ANKAR: variants seen among roughly 807,000 people sequenced by gnomAD.
ANKAR encodes the protein ankyrin and armadillo repeat-containing protein.
ANKAR carries 136 observed loss-of-function variants against 146.2 expected under a neutral mutation model. The observed-to-expected ratio is 0.93, with a 90% CI of 0.81 to 1.07. The LOEUF is 1.07. Ranked by LOEUF, ANKAR falls within the 50% of genes least tolerant of loss-of-function variation. The pLI is 0.00. For synonymous variants in ANKAR, 500 were observed against 575.8 expected (o/e 0.87, Z 1.88); for missense variants, 1,567 against 1,679.9 (o/e 0.93, Z 1.18).
intron 5 of ANKAR, among the ~76,000 whole-genome samples, chr2:189,694,051 A>T (rs1316438104): frequency 6.6e-6 from 1 of 151,938 alleles, no homozygotes; most frequent in Non-Finnish European, 1.5e-5. Context: ...GCCTGTCCAT[A>T]AGACCCTATC....
At chr2:189,741,938 G>T (rs991640030) in intron 20 of ANKAR, among the ~76,000 whole-genome samples, 1 of 152,072 alleles carries the variant, frequency 6.6e-6, no homozygotes, top group African/African-American at 2.4e-5. Flanking sequence ...AATGAAAACC[G>T]GTGACTCTGA....
At chr2:189,730,922 C>T (rs2042342279) in intron 16 of ANKAR, among the ~76,000 whole-genome samples, 1 of 152,064 alleles carries the variant, frequency 6.6e-6, no homozygotes, top group Non-Finnish European at 1.5e-5. Context: ...CACAAAAGTT[C>T]TTTTCTACCT....
chr2:189,681,294 A>G (rs2034628696), intron 2 of ANKAR, among the ~76,000 whole-genome samples: 1 of 152,222 alleles, frequency 6.6e-6, no homozygotes, highest in Admixed American at 6.5e-5. Flanking sequence ...TAGAGACCTG[A>G]TCATGGCAGG....
chr2:189,741,330 T>A lies in ANKAR; in HGVS notation c.3701-12T>A. On this transcript the variant is annotated splice_polypyrimidine_tract_variant and intron_variant, in intron 19 of 22. Coordinates refer to ENST00000684021, the MANE Select transcript of ANKAR (RefSeq NM_001378068.1). Reference sequence around the variant, plus strand: ...TTAAATAACACAAGCATTTTTCTTGTTTAATTTATAGGGAATTTAATAGCA... The same window carrying A: ...TTAAATAACACAAGCATTTTTCTTGATTAATTTATAGGGAATTTAATAGCA... The A allele has an allele frequency of 6.4e-7, 1 of 1,568,574 alleles. No homozygotes were observed. The highest frequency in any genetic ancestry group is 8.6e-7 in the Non-Finnish European group (1 of 1,156,452).
intron 10 of ANKAR, 31 bp downstream of exon 10, chr2:189,711,184 G>T: frequency 6.7e-7 from 1 of 1,498,166 alleles, no homozygotes. Context: ...AACTTTTTAT[G>T]CTATTTTATG....
Position 189,696,105 on chromosome 2 carries a change from T to A in ANKAR, c.1489-45T>A, listed in dbSNP as rs746350981. The A allele has an allele frequency of 3.3e-5, 53 of 1,585,696 alleles. 1 individual carries two copies. In the East Asian group the frequency reaches 1.2e-3, roughly 35 times the overall value. Reference sequence around the variant, plus strand: ...ATGTATTTTTTTCCTTAAACCAAACTTTAGGTGCATTTTGATAAACTGATT... The same window carrying A: ...ATGTATTTTTTTCCTTAAACCAAACATTAGGTGCATTTTGATAAACTGATT... On this transcript the variant is annotated intron_variant, in intron 6 of 22. Coordinates refer to ENST00000684021, the MANE Select transcript of ANKAR (RefSeq NM_001378068.1).
chr2:189,695,225 T>C, intron 6 of ANKAR, 64 bp downstream of exon 6: 1 of 1,319,124 alleles, frequency 7.6e-7, no homozygotes, highest in African/African-American at 1.5e-5. Context: ...AGTATGTGTC[T>C]CAAACAGATG....
chr2:189,742,904 TGACACACACACACACACACACACACA>T, intron 20 of ANKAR, among the ~76,000 whole-genome samples: 1 of 10,562 alleles, frequency 9.5e-5, no homozygotes, highest in African/African-American at 3.2e-4. Flanking sequence ...TAGAATTACC[TGACACACACACACACACACACACACA>T]CACACACACA....
At chr2:189,725,724 A>G (rs2041812953) in intron 12 of ANKAR, among the ~76,000 whole-genome samples, 1 of 152,158 alleles carries the variant, frequency 6.6e-6, no homozygotes, top group Non-Finnish European at 1.5e-5. Context: ...CCTGGGCAAC[A>G]TGGCAAAACC....
intron 18 of ANKAR, among the ~76,000 whole-genome samples, chr2:189,759,072 A>ATGTCTCCATAATCAT (rs1380982789): frequency 6.6e-6 from 1 of 152,122 alleles, no homozygotes; most frequent in African/African-American, 2.4e-5. Context: ...TCTAGACATC[A>ATGTCTCCATAATCAT]TGTCTCCATA....
At chr2:189,698,682 C>T (rs1420552595) in intron 7 of ANKAR, among the ~76,000 whole-genome samples, 1 of 152,278 alleles carries the variant, frequency 6.6e-6, no homozygotes, top group Middle Eastern at 3.4e-3. Flanking sequence ...GGCCATCTTC[C>T]GTTAGAGGAG....
chr2:189,743,525 CT>C lies in ANKAR; in HGVS notation c.4010+54del, dbSNP rs1559149142. The stretch of plus-strand genomic sequence containing the variant: ...GTAGTGAAATCATCGATAGAGGAGA[CT>C]TTAATGAGGTTTAGTAAGATCCAAC... On this transcript the variant is annotated intron_variant, in intron 21 of 22. Transcript: ENST00000684021. 2.7e-6 allele frequency: 4 copies of C among 1,505,188 alleles called. No homozygotes were observed. In the Admixed American group the frequency reaches 5.3e-5, roughly 20 times the overall value. The allele number at this position is 1,505,188 out of a possible 1,614,324, so 93.2% of individuals were successfully genotyped here. A position where few individuals can be genotyped will look rare whatever the true frequency, so the allele number is the denominator to read the frequency against.
chr2:189,712,207 T>A (rs561927414), intron 10 of ANKAR, among the ~76,000 whole-genome samples: 1 of 152,202 alleles, frequency 6.6e-6, no homozygotes, highest in African/African-American at 2.4e-5. Flanking sequence ...TTCTGCAGAC[T>A]TAAATGTCCC....
At chr2:189,696,504 T>C in intron 7 of ANKAR, 135 bp downstream of exon 7, 1 of 775,344 alleles carries the variant, frequency 1.3e-6, no homozygotes, top group South Asian at 2.0e-5. Flanking sequence ...GTTTCATTTA[T>C]CTAAGAAAGG....
intron 18 of ANKAR, among the ~76,000 whole-genome samples, chr2:189,758,787 T>C (rs1385757399): frequency 6.6e-6 from 1 of 152,222 alleles, no homozygotes. Context: ...AGAGAGATTA[T>C]ACATACACAA....
At chr2:189,691,872 T>C (rs934393049) in intron 3 of ANKAR, among the ~76,000 whole-genome samples, 6 of 151,922 alleles carry the variant, frequency 3.9e-5, no homozygotes, top group Middle Eastern at 3.4e-3. Flanking sequence ...AGCGATACTC[T>C]CACCTCAGCC....
chr2:189,685,927 A>C (rs1014153244), intron 2 of ANKAR, among the ~76,000 whole-genome samples: 4 of 152,180 alleles, frequency 2.6e-5, no homozygotes, highest in Non-Finnish European at 5.9e-5. Context: ...TAGGGATCTC[A>C]CTACACCTTT....
chr2:189,712,360 C>T lies in ANKAR; in HGVS notation c.2224+1207C>T, dbSNP rs553252530. Among the ~76,000 whole-genome samples, 14 of 152,288 alleles carry T rather than the reference C, an allele frequency of 9.2e-5. No individual in the cohort carries two copies. In the South Asian group the frequency reaches 2.9e-3, roughly 32 times the overall value. On this transcript the variant is annotated intron_variant, in intron 10 of 22. Transcript: ENST00000684021. Reference sequence around the variant, plus strand: ...CCTCCCAGTAGGGGCCGACTGACACCTCATACAGGCGGGTGCCCCTCTGGG... The same window carrying T: ...CCTCCCAGTAGGGGCCGACTGACACTTCATACAGGCGGGTGCCCCTCTGGG...
Position 189,730,536 on chromosome 2 carries a change from G to A in ANKAR, c.3235G>A (p.Val1079Ile), listed in dbSNP as rs756938319. 1.2e-6 allele frequency: 2 copies of A among 1,604,696 alleles called. No individual in the cohort carries two copies. Among genetic ancestry groups the A allele is most frequent in the Non-Finnish European group, 1.7e-6 (2 of 1,174,794 alleles). ...TSNPVSQQLV[V>I]DENAFPVLIQ... is the part of the protein sequence containing the mutation. ...CAATCCTGTCAGTCAACAATTGGTT[G>A]TAGATGAAAATGCCTTTCCAGTACT... The change falls in exon 16 of 23, where the codon GTA becomes ATA. Residue 1079 changes from valine (V) to isoleucine (I), a missense_variant. Physicochemically the swap from Val to Ile is conservative, Grantham distance 29. Transcript: ENST00000684021.
Sources: allele counts gnomAD v4.1 joint callset (sites outside exome capture counted in the v4.1 genomes callset), GRCh38; gene constraint gnomAD v4.1.1; transcripts MANE v1.5; gene names NCBI Gene and HGNC (gene_info 2026-07-23, HGNC 2026-07-21).